The following L3MBTL4 variants were observed in gnomAD, a reference collection of about 807,000 sequenced individuals.
The protein encoded by L3MBTL4 is lethal(3)malignant brain tumor-like protein 4.
In L3MBTL4, 70 loss-of-function variants were observed where a neutral mutation model predicts 84.5. The ratio of observed to expected loss-of-function variants is 0.83; its 90% confidence interval spans 0.68 to 1.01. The LOEUF (loss-of-function observed/expected upper bound fraction) is 1.01, where lower values mean the gene tolerates loss of function less well. Among genes scored for constraint, L3MBTL4 ranks in the 50% least tolerant of loss-of-function variants. The probability of loss-of-function intolerance (pLI) is 0.00; values close to 1 mark genes in which losing one functional copy is unlikely to be tolerated. For missense variants in L3MBTL4, 715 were observed against 754.8 expected (o/e 0.95, Z 0.62); for synonymous variants, 274 against 259.8 (o/e 1.05, Z -0.52).
In L3MBTL4 at chr18:6,055,804, A is replaced by AC. The variant is rs1163332108; in HGVS notation, c.1444+25076dup. ...ACTGAGTTGGAACCCAGATTCTCAGACCCCCAGGGAAGGATCCTTCCACTA... is the reference window on the plus strand; with the variant it reads ...ACTGAGTTGGAACCCAGATTCTCAGACCCCCCAGGGAAGGATCCTTCCACTA... On this transcript the variant is annotated intron_variant, in intron 16 of 18. Coordinates refer to ENST00000317931, the MANE Select transcript of L3MBTL4 (RefSeq NM_001330559.2). Among the ~76,000 whole-genome samples the AC allele has an allele frequency of 2.6e-5, 4 of 152,122 alleles. No homozygotes were observed. In the East Asian group the frequency reaches 7.7e-4, roughly 29 times the overall value.
chr18:6,345,755 G>C (rs2052867051), intron 1 of L3MBTL4, among the ~76,000 whole-genome samples: 1 of 151,954 alleles, frequency 6.6e-6, no homozygotes, highest in African/African-American at 2.4e-5. Context: ...TACTCAAACT[G>C]ATCTACATAT....
intron 16 of L3MBTL4, among the ~76,000 whole-genome samples, chr18:5,971,039 C>T (rs1165152442): frequency 2.6e-5 from 4 of 152,212 alleles, no homozygotes; most frequent in Non-Finnish European, 4.4e-5. Flanking sequence ...GCAGCAAATT[C>T]CTCTCTAACT....
At chr18:6,175,630 G>C (rs2044194204) in intron 12 of L3MBTL4, among the ~76,000 whole-genome samples, 2 of 152,138 alleles carry the variant, frequency 1.3e-5, no homozygotes, top group African/African-American at 4.8e-5. Context: ...ATTTGACAAA[G>C]TTCAATACAC....
At position 5,964,241 on chromosome 18, in the gene L3MBTL4, G is replaced by A. The variant is rs1207656500; in HGVS notation, c.1615-4085C>T. 1.1e-4 allele frequency among the ~76,000 whole-genome samples: 16 copies of A among 152,332 alleles called. 1 individual carries two copies. The East Asian group carries it at 2.9e-3, about 28-fold the overall frequency. On this transcript the variant is annotated intron_variant, in intron 17 of 18. Coordinates refer to ENST00000317931, the MANE Select transcript of L3MBTL4 (RefSeq NM_001330559.2). ...ATGAGACAGCAGTCTGGGGAGACTG[G>A]GAGGGATGACACTGCCCAGGCTCTG...
intron 1 of L3MBTL4, among the ~76,000 whole-genome samples, chr18:6,388,174 A>G (rs2054901433): frequency 6.6e-6 from 1 of 152,224 alleles, no homozygotes; most frequent in African/African-American, 2.4e-5. Flanking sequence ...GGATTTATCA[A>G]CATAAAAAAA....
At chr18:6,168,567 G>A (rs1462716892) in intron 13 of L3MBTL4, among the ~76,000 whole-genome samples, 1 of 152,156 alleles carries the variant, frequency 6.6e-6, no homozygotes, top group Non-Finnish European at 1.5e-5. Context: ...GAGAAAAAAA[G>A]CAATGGGGAA....
intron 16 of L3MBTL4, among the ~76,000 whole-genome samples, chr18:6,032,754 C>T (rs1233774457): frequency 1.3e-5 from 2 of 152,124 alleles, no homozygotes; most frequent in African/African-American, 4.8e-5. Flanking sequence ...TACTTTCTGT[C>T]TCTATGATTT....
chr18:6,229,925 G>T (rs575021039), intron 10 of L3MBTL4, among the ~76,000 whole-genome samples: 148 of 152,168 alleles, frequency 9.7e-4, no homozygotes, highest in Non-Finnish European at 1.9e-3. Flanking sequence ...CTCCAACTTT[G>T]TTCTTTTTCA....
chr18:6,277,810 G>T (rs995160996), intron 4 of L3MBTL4, among the ~76,000 whole-genome samples: 1 of 151,914 alleles, frequency 6.6e-6, no homozygotes, highest in Non-Finnish European at 1.5e-5. Flanking sequence ...ATACAGAAAA[G>T]GTAATAATAA....
At chr18:6,299,632 A>C (rs2050246079) in intron 4 of L3MBTL4, among the ~76,000 whole-genome samples, 1 of 152,190 alleles carries the variant, frequency 6.6e-6, no homozygotes, top group South Asian at 2.1e-4. Context: ...CATGCTTGTT[A>C]TAAAATCACT....
chr18:6,310,646 A>G (rs924083029), intron 3 of L3MBTL4, among the ~76,000 whole-genome samples: 19 of 152,214 alleles, frequency 1.2e-4, no homozygotes, highest in African/African-American at 4.6e-4. Flanking sequence ...ACATGCTAAG[A>G]ACCAATGAAG....
chr18:6,059,290 C>A lies in L3MBTL4; in HGVS notation c.1444+21591G>T, dbSNP rs1171491525. On this transcript the variant is annotated intron_variant, in intron 16 of 18. Transcript: ENST00000317931. ...ACTTGTTGCTGTGGAATGTGGTGTTCAGAGTTGTCACTCCCTCAAGCCTTG... is the reference window on the plus strand; with the variant it reads ...ACTTGTTGCTGTGGAATGTGGTGTTAAGAGTTGTCACTCCCTCAAGCCTTG... 2.0e-5 allele frequency among the ~76,000 whole-genome samples: 3 copies of A among 152,332 alleles called. No homozygotes were observed. In the East Asian group the frequency reaches 5.8e-4, roughly 29 times the overall value.
chr18:5,962,709 T>A (rs1406777601), intron 17 of L3MBTL4, among the ~76,000 whole-genome samples: 1 of 152,194 alleles, frequency 6.6e-6, no homozygotes, highest in African/African-American at 2.4e-5. Flanking sequence ...ACCACAGCGC[T>A]GCAGGAAGCT....
intron 4 of L3MBTL4, among the ~76,000 whole-genome samples, chr18:6,284,889 G>T (rs920894531): frequency 1.3e-5 from 2 of 152,244 alleles, no homozygotes. Context: ...GGCAGTCGGA[G>T]CCCGGAACGG....
rs570205685 is a variant in L3MBTL4, at chr18:6,411,324, A to C, written c.-91+3477T>G. ...TGGAGGTATGTTCCTATAATAAACTATCCTCAAAATATTTTTGCCAATGCT... is the reference window on the plus strand; with the variant it reads ...TGGAGGTATGTTCCTATAATAAACTCTCCTCAAAATATTTTTGCCAATGCT... On this transcript the variant is annotated intron_variant, in intron 1 of 18. Coordinates refer to ENST00000317931, the MANE Select transcript of L3MBTL4 (RefSeq NM_001330559.2). Among the ~76,000 whole-genome samples the C allele has an allele frequency of 7.9e-5, 12 of 152,284 alleles. No homozygotes were observed. The South Asian group carries it at 1.2e-3, about 16-fold the overall frequency.
chr18:6,036,985 AG>A (rs1351504911), intron 16 of L3MBTL4, among the ~76,000 whole-genome samples: 1 of 152,194 alleles, frequency 6.6e-6, no homozygotes, highest in Non-Finnish European at 1.5e-5. Flanking sequence ...AATGACGGGA[AG>A]GGGGTAAAAA....
intron 3 of L3MBTL4, among the ~76,000 whole-genome samples, chr18:6,311,236 G>A (rs757355847): frequency 2.0e-5 from 3 of 151,894 alleles, no homozygotes; most frequent in African/African-American, 7.3e-5. Context: ...AGGGGGTCCT[G>A]TTTCTCTGGA....
chr18:5,985,637 G>T (rs965516340), intron 16 of L3MBTL4, among the ~76,000 whole-genome samples: 1 of 152,196 alleles, frequency 6.6e-6, no homozygotes, highest in East Asian at 1.9e-4. Context: ...AGTTATAAAG[G>T]AAGGTTCTTA....
At chr18:5,982,599 C>T (rs1053842307) in intron 16 of L3MBTL4, among the ~76,000 whole-genome samples, 7 of 152,140 alleles carry the variant, frequency 4.6e-5, no homozygotes, top group African/African-American at 9.7e-5. Context: ...ACAGAGTCAA[C>T]GGCATAGTTT....
Sources: allele counts gnomAD v4.1 joint callset (sites outside exome capture counted in the v4.1 genomes callset), GRCh38; gene constraint gnomAD v4.1.1; transcripts MANE v1.5; gene names NCBI Gene and HGNC (gene_info 2026-07-23, HGNC 2026-07-21).